FOXRED2: variants seen among roughly 807,000 people sequenced by gnomAD.
The protein encoded by FOXRED2 is FAD dependent oxidoreductase domain containing 2.
A neutral mutation model predicts 52.5 loss-of-function variants in FOXRED2; 32 were observed. The ratio of observed to expected loss-of-function variants is 0.61; its 90% confidence interval spans 0.46 to 0.82. The LOEUF is 0.82. FOXRED2 is among the 40% of genes least tolerant of loss of function. FOXRED2 has a pLI of 0.00. For missense variants in FOXRED2, 848 were observed against 937.5 expected (o/e 0.90, Z 1.25); for synonymous variants, 405 against 398.1 (o/e 1.02, Z -0.21).
chr22:36,493,866 G>A (rs544348649), intron 7 of FOXRED2, 63 bp from the exon 8 acceptor site: 20 of 1,448,872 alleles, frequency 1.4e-5, no homozygotes, highest in African/African-American at 2.8e-5. Flanking sequence ...TCCTCGGGCC[G>A]ACACAGCACG....
rs143414578 is a variant in FOXRED2 at position 36,493,774 on chromosome 22, A to G, written c.1654T>C (p.Trp552Arg). Residue 552 changes from tryptophan (W) to arginine (R), a missense_variant, in exon 8 of 9, where the codon TGG becomes CGG. Trp to Arg is a moderately radical substitution (Grantham distance 101). Coordinates refer to ENST00000397224, the MANE Select transcript of FOXRED2 (RefSeq NM_001102371.2). ...ATGGCCGTGGGCCGAGGCAGGGGCC[A>G]GTGTGCAGGGCGGAACCTCACCTCC... ...EQEVRFRPAH[W>R]PLPRPTAIHH... 6 of 1,614,220 alleles carry G rather than the reference A, an allele frequency of 3.7e-6. No homozygotes were observed. The highest frequency in any genetic ancestry group is 5.1e-6 in the Non-Finnish European group (6 of 1,180,004).
Position 36,496,112 on chromosome 22 carries a change from G to A in FOXRED2, c.1479C>T (p.Phe493=), listed in dbSNP as rs887430186. 21 of 1,614,094 alleles carry A rather than the reference G, an allele frequency of 1.3e-5. No individual in the cohort carries two copies. Among genetic ancestry groups the A allele is most frequent in the African/African-American group, 4.0e-5 (3 of 74,926 alleles). The part of the protein sequence containing the change: ...LTGRKAKHGL[F]VINMEYGRNF... Reference sequence around the variant, plus strand: ...TTCTGCCATATTCCATGTTGATGACGAAGAGCCCGTGCTTTGCCTTCCTCC... The same window carrying A: ...TTCTGCCATATTCCATGTTGATGACAAAGAGCCCGTGCTTTGCCTTCCTCC... Residue 493 remains phenylalanine (F), a synonymous_variant, in exon 7 of 9, where the codon TTC becomes TTT. Transcript: ENST00000397224.
intron 8 of FOXRED2, among the ~76,000 whole-genome samples, chr22:36,491,062 T>C (rs1215849480): frequency 6.6e-6 from 1 of 151,948 alleles, no homozygotes; most frequent in Non-Finnish European, 1.5e-5. Flanking sequence ...CTCGGGAGGC[T>C]GAGGCAGGAG....
chr22:36,498,297 GAACAC>G, intron 5 of FOXRED2, 141 bp from the exon 6 acceptor site: 1 of 891,828 alleles, frequency 1.1e-6, no homozygotes, highest in Non-Finnish European at 1.7e-6. Flanking sequence ...CCTAGGTGGT[GAACAC>G]ATGAGGGGAG....
At position 36,506,367 on chromosome 22, in the gene FOXRED2, A is replaced by G; in HGVS notation, c.56T>C (p.Ile19Thr). ...LWGPPGLLLA[I>T]ALHPALSVPP... Reference sequence around the variant, plus strand: ...CACCGACAGCGCTGGGTGCAGGGCGATGGCCAGGAGCAGCCCCGGGGGACC... The same window carrying G: ...CACCGACAGCGCTGGGTGCAGGGCGGTGGCCAGGAGCAGCCCCGGGGGACC... The change falls in exon 2 of 9, where the codon ATC becomes ACC. Residue 19 changes from isoleucine to threonine, a missense_variant. Transcript: ENST00000397224. 6.9e-7 allele frequency: 1 copy of G among 1,453,130 alleles called. No homozygotes were observed. The highest frequency in any genetic ancestry group is 1.4e-5 in the South Asian group (1 of 70,974). The allele number at this position is 1,453,130 out of a possible 1,614,324, so 90.0% of individuals were successfully genotyped here.
chr22:36,495,744 C>T (rs556303186), intron 7 of FOXRED2, among the ~76,000 whole-genome samples: 69 of 152,310 alleles, frequency 4.5e-4, no homozygotes, highest in African/African-American at 1.6e-3. Context: ...GCGGAGAGCA[C>T]GACACCCCCC....
At chr22:36,494,612 C>T (rs566891978) in intron 7 of FOXRED2, among the ~76,000 whole-genome samples, 1 of 152,250 alleles carries the variant, frequency 6.6e-6, no homozygotes, top group East Asian at 1.9e-4. Context: ...ACCAATTCCC[C>T]CACTGAACAG....
At position 36,500,973 on chromosome 22, in the gene FOXRED2, T is replaced by A. The variant is rs73169664; in HGVS notation, c.1216+268A>T. 7.1e-3 allele frequency among the ~76,000 whole-genome samples: 1,085 copies of A among 152,154 alleles called. 12 individuals are homozygous for A. The highest frequency in any genetic ancestry group is 0.042 in the East Asian group (217 of 5,170). ...GGTATCATCATGGCTCACTGCAACC[T>A]TGACTTCCTGGACTCAAGGGATCCT... On this transcript the variant is annotated intron_variant, in intron 5 of 8. Transcript: ENST00000397224.
At chr22:36,505,664 G>C (rs1934170442) in intron 2 of FOXRED2, among the ~76,000 whole-genome samples, 1 of 152,140 alleles carries the variant, frequency 6.6e-6, no homozygotes, top group African/African-American at 2.4e-5. Flanking sequence ...CCAGCTACTG[G>C]GGAGGCTGAG....
At chr22:36,498,280 G>A (rs1277949724) in intron 5 of FOXRED2, 124 bp from the exon 6 acceptor site, 24 of 1,110,746 alleles carry the variant, frequency 2.2e-5, no homozygotes, top group Middle Eastern at 3.0e-4. Flanking sequence ...ATGGCCCAGC[G>A]CAAACGCCTA....
chr22:36,506,076 C>T lies in FOXRED2; in HGVS notation c.347G>A (p.Arg116His). The part of the protein sequence containing the change: ...DPRLLFRHYS[R>H]AYFPDARDMV... ...GTCGCGGGCGTCGGGGAAGTAGGCA[C>T]GCGAGTAGTGTCTGAAGAGCAGCCG... Residue 116 changes from arginine (R) to histidine (H), a missense_variant, in exon 2 of 9, where the codon CGT (arginine) becomes CAT (histidine). Arg to His is a conservative substitution (Grantham distance 29). Coordinates refer to ENST00000397224, the MANE Select transcript of FOXRED2 (RefSeq NM_001102371.2). The T allele has an allele frequency of 1.9e-6, 3 of 1,614,226 alleles. No homozygotes were observed. Among genetic ancestry groups the T allele is most frequent in the Non-Finnish European group, 2.5e-6 (3 of 1,180,046 alleles).
At chr22:36,500,660 C>G (rs375394754) in intron 5 of FOXRED2, among the ~76,000 whole-genome samples, 13 of 150,228 alleles carry the variant, frequency 8.7e-5, no homozygotes, top group African/African-American at 3.2e-4. Context: ...CTCAGCTCAC[C>G]GCAACCTCCA....
Position 36,505,978 on chromosome 22 carries a change from C to T in FOXRED2, c.445G>A (p.Val149Ile), listed in dbSNP as rs1934180551. 4.3e-6 allele frequency: 7 copies of T among 1,614,062 alleles called. No homozygotes were observed. The highest frequency in any genetic ancestry group is 1.3e-5 in the African/African-American group (1 of 74,926). Residue 149 changes from valine to isoleucine, a missense_variant, in exon 2 of 9, where the codon GTC (valine) becomes ATC (isoleucine). Coordinates refer to ENST00000397224, the MANE Select transcript of FOXRED2 (RefSeq NM_001102371.2). ...RVQYNTTIAHVTLDKDRQAWN... is the reference protein window; with the variant it reads ...RVQYNTTIAHITLDKDRQAWN... Reference sequence around the variant, plus strand: ...GCCTGTCGGTCCTTGTCCAGAGTGACGTGGGCGATGGTGGTGTTGTACTGG... The same window carrying T: ...GCCTGTCGGTCCTTGTCCAGAGTGATGTGGGCGATGGTGGTGTTGTACTGG...
rs761453439 is a variant in FOXRED2, at chr22:36,501,326, C to A, written c.1131G>T (p.Arg377=). 6.2e-7 allele frequency: 1 copy of A among 1,614,152 alleles called. No individual in the cohort carries two copies. The highest frequency in any genetic ancestry group is 1.3e-5 in the African/African-American group (1 of 75,022). Reference sequence around the variant, plus strand: ...TGGCAGTACCCAGGATAAACAGACCCCGGCTTCCTTTGGATTCGTAGCTAG... The same window carrying A: ...TGGCAGTACCCAGGATAAACAGACCACGGCTTCCTTTGGATTCGTAGCTAG... ...IRASYESKGS[R]GLFILGTASH... is the part of the protein sequence containing the mutation. The change falls in exon 5 of 9, where the codon CGG becomes CGT. Residue 377 remains arginine (R), a synonymous_variant. Transcript: ENST00000397224.
intron 8 of FOXRED2, among the ~76,000 whole-genome samples, chr22:36,491,021 G>T: frequency 6.6e-6 from 1 of 152,146 alleles, no homozygotes; most frequent in Admixed American, 6.5e-5. Flanking sequence ...AATTAGCCAG[G>T]CGTAGTGACA....
rs374802402 is a variant in FOXRED2, at chr22:36,504,163, C to A, written c.984G>T (p.Met328Ile). The change falls in exon 4 of 9, where the codon ATG becomes ATT. Residue 328 changes from methionine to isoleucine, a missense_variant. Transcript: ENST00000397224. The part of the protein sequence containing the change: ...LPQDDNDNFA[M>I]RVPYDRVIRC... The stretch of plus-strand genomic sequence containing the variant: ...GGATTACCCGGTCATAGGGCACGCG[C>A]ATGGCAAAGTTGTCATTGTCGTCCT... 5 of 1,614,118 alleles carry A rather than the reference C, an allele frequency of 3.1e-6. No individual in the cohort carries two copies. The highest frequency in any genetic ancestry group is 1.3e-5 in the African/African-American group (1 of 74,946).
chr22:36,493,587 T>G (rs779107180), intron 8 of FOXRED2, 46 bp downstream of exon 8: 1 of 1,566,658 alleles, frequency 6.4e-7, no homozygotes, highest in South Asian at 1.2e-5. Context: ...TGACCTTTCT[T>G]CAACCTGGAG....
chr22:36,505,990 T>C lies in FOXRED2; in HGVS notation c.433A>G (p.Thr145Ala), dbSNP rs758592231. 5.6e-6 allele frequency: 9 copies of C among 1,614,026 alleles called. No individual in the cohort carries two copies. In the African/African-American group the frequency reaches 1.1e-4, roughly 19 times the overall value. The stretch of plus-strand genomic sequence containing the variant: ...TTGTCCAGAGTGACGTGGGCGATGG[T>C]GGTGTTGTACTGGACACGGAGCCCC... Reference protein sequence around the residue: ...TLGLRVQYNTTIAHVTLDKDR... With the variant: ...TLGLRVQYNTAIAHVTLDKDR... The change falls in exon 2 of 9, where the codon ACC becomes GCC. Residue 145 changes from threonine to alanine, a missense_variant. Transcript: ENST00000397224.
In FOXRED2 at chr22:36,491,478, C is replaced by T. The variant is rs543246778; in HGVS notation, c.1796-1211G>A. Among the ~76,000 whole-genome samples the T allele has an allele frequency of 3.3e-5, 5 of 152,198 alleles. No homozygotes were observed. The East Asian group carries it at 9.7e-4, about 29-fold the overall frequency. On this transcript the variant is annotated intron_variant, in intron 8 of 8. Coordinates refer to ENST00000397224, the MANE Select transcript of FOXRED2 (RefSeq NM_001102371.2). ...AGTACAGTGGCACGATCCCAGCTCA[C>T]TACAACCTCTGCCTTCTGGGTTCAA...
Sources: gnomAD v4.1 joint callset for allele counts (sites outside exome capture counted in the v4.1 genomes callset) on GRCh38, gnomAD v4.1.1 for gene constraint, MANE v1.5 for transcripts, NCBI Gene and HGNC (gene_info 2026-07-23, HGNC 2026-07-21) for gene names.